PLBD2: variants seen among roughly 807,000 people sequenced by gnomAD.
The protein encoded by PLBD2 is putative aminopeptidase PLBD2.
A neutral mutation model predicts 68.3 loss-of-function variants in PLBD2; 51 were observed. That is an observed-to-expected ratio of 0.75 (90% confidence interval 0.60 to 0.94). PLBD2 has a LOEUF of 0.94. PLBD2 is among the 40% of genes least tolerant of loss of function. The probability of loss-of-function intolerance (pLI) is 0.00; values close to 1 mark genes in which losing one functional copy is unlikely to be tolerated. For missense variants in PLBD2, 729 were observed against 792.2 expected, an observed-to-expected ratio of 0.92 and a Z score of 0.96; for synonymous variants, 314 against 339.3, an observed-to-expected ratio of 0.93 and a Z score of 0.82.
chr12:113,382,868 T>TGTGTGTGTGTCTG (rs1491184280), intron 6 of PLBD2, among the ~76,000 whole-genome samples: 1 of 83,506 alleles, frequency 1.2e-5, no homozygotes, highest in African/African-American at 4.5e-5. Flanking sequence ...TGTGTGTGTG[T>TGTGTGTGTGTCTG]TTTTTTTTTT....
chr12:113,371,660 A>G (rs1377266584), intron 2 of PLBD2, among the ~76,000 whole-genome samples: 1 of 152,256 alleles, frequency 6.6e-6, no homozygotes, highest in African/African-American at 2.4e-5. Context: ...TCCCAGGCCC[A>G]TGTGCCAGGC....
At position 113,374,795 on chromosome 12, in the gene PLBD2, T is replaced by C. The variant is rs1276083176; in HGVS notation, c.647T>C (p.Leu216Pro). The change falls in exon 5 of 12, where the codon CTG becomes CCG. Residue 216 changes from leucine (L) to proline (P), a missense_variant and splice_region_variant. Transcript: ENST00000280800. ...TCTGATGCCCTGGCCCTCCTCAGCC[T>C]GCTGCAGCTCTCTGGGGACCTGGAA... Reference protein sequence around the residue: ...KFTIKPLGFLLLQLSGDLEDL... With the variant: ...KFTIKPLGFLPLQLSGDLEDL... The C allele has an allele frequency of 6.2e-6, 10 of 1,613,630 alleles. No homozygotes were observed. Among genetic ancestry groups the C allele is most frequent in the Non-Finnish European group, 8.5e-6 (10 of 1,180,030 alleles).
chr12:113,358,924 G>T, intron 1 of PLBD2, 34 bp downstream of exon 1: 1 of 1,481,426 alleles, frequency 6.8e-7, no homozygotes, highest in Admixed American at 2.7e-5. Context: ...CGGGGCCATC[G>T]GGGGAGGGGG....
rs773743018 is a variant in PLBD2, at chr12:113,384,087, C to T, written c.958-18C>T. 86 of 1,592,184 alleles carry T rather than the reference C, an allele frequency of 5.4e-5. No individual in the cohort carries two copies. The highest frequency in any genetic ancestry group is 7.4e-5 in the Non-Finnish European group (86 of 1,165,628). On this transcript the variant is annotated intron_variant, in intron 6 of 11. Transcript: ENST00000280800. The surrounding 1 kb of genome is among the most constrained non-coding windows in gnomAD (Gnocchi z 4.2). ...AGCATGCCTAGGCTGTGCAGCAGCC[C>T]CCTTGACCTTCCCACAGGTGACACT...
At position 113,374,461 on chromosome 12, in the gene PLBD2, C is replaced by T; in HGVS notation, c.544-13C>T. 4 of 1,564,176 alleles carry T rather than the reference C, an allele frequency of 2.6e-6. No individual in the cohort carries two copies. Among genetic ancestry groups the T allele is most frequent in the Non-Finnish European group, 3.5e-6 (4 of 1,149,378 alleles). ...AGGCCTCACCCTCCCTCTGCCCCCG[C>T]CCCCTCCCCTAGGTGCGGCTGACCC... On this transcript the variant is annotated splice_polypyrimidine_tract_variant and intron_variant, in intron 3 of 11. Coordinates refer to ENST00000280800, the MANE Select transcript of PLBD2 (RefSeq NM_173542.4).
Position 113,387,685 on chromosome 12 carries a change from C to T in PLBD2, c.1440-59C>T, listed in dbSNP as rs570037678. 4.9e-5 allele frequency: 77 copies of T among 1,556,318 alleles called. 1 individual carries two copies. The South Asian group carries it at 8.2e-4, about 17-fold the overall frequency. On this transcript the variant is annotated intron_variant, in intron 10 of 11. Coordinates refer to ENST00000280800, the MANE Select transcript of PLBD2 (RefSeq NM_173542.4). Reference sequence around the variant, plus strand: ...ACGGGGCTGCCTGTGAGGATTTTGGCCCCCGTCTTAGCCTCTCCTTCCTGG... The same window carrying T: ...ACGGGGCTGCCTGTGAGGATTTTGGTCCCCGTCTTAGCCTCTCCTTCCTGG...
chr12:113,377,997 C>G (rs1221504494), intron 5 of PLBD2, among the ~76,000 whole-genome samples: 1 of 152,204 alleles, frequency 6.6e-6, no homozygotes, highest in African/African-American at 2.4e-5. Context: ...TTCTCCTAGA[C>G]TTTAAAAAAT....
At chr12:113,377,814 T>C (rs1957448499) in intron 5 of PLBD2, among the ~76,000 whole-genome samples, 1 of 152,240 alleles carries the variant, frequency 6.6e-6, no homozygotes, top group Non-Finnish European at 1.5e-5. Context: ...AGATCTATCA[T>C]TCTCATTGCT....
intron 9 of PLBD2, 30 bp from the exon 10 acceptor site, chr12:113,386,907 G>T (rs751300725): frequency 1.2e-6 from 2 of 1,609,602 alleles, no homozygotes; most frequent in African/African-American, 1.3e-5. Flanking sequence ...GCCAGTGGGG[G>T]TCATGGGTGA....
Position 113,384,793 on chromosome 12 carries a change from G to C in PLBD2, c.1119-58G>C, listed in dbSNP as rs1957532847. 6.9e-7 allele frequency: 1 copy of C among 1,454,750 alleles called. No individual in the cohort carries two copies. Among genetic ancestry groups the C allele is most frequent in the Non-Finnish European group, 9.6e-7 (1 of 1,041,130 alleles). The allele number at this position is 1,454,750 out of a possible 1,614,324, so 90.1% of individuals were successfully genotyped here. A position where few individuals can be genotyped will look rare whatever the true frequency, so the allele number is the denominator to read the frequency against. On this transcript the variant is annotated intron_variant, in intron 7 of 11. Transcript: ENST00000280800. This position sits in a 1 kb window ranked among gnomAD's most constrained non-coding sequence, Gnocchi z 4.2. The stretch of plus-strand genomic sequence containing the variant: ...AGCTGAGTGGGACACTGCAGGGTGG[G>C]GAAAGCTGGGGAGGTGGCTCCAGGC...
At chr12:113,365,751 G>A (rs1957337185) in intron 1 of PLBD2, among the ~76,000 whole-genome samples, 1 of 152,108 alleles carries the variant, frequency 6.6e-6, no homozygotes, top group South Asian at 2.1e-4. Flanking sequence ...CTTTGCTTTG[G>A]AACATTCAGA....
In PLBD2 at chr12:113,387,890, G is replaced by A; in HGVS notation, c.1586G>A (p.Gly529Glu). Residue 529 changes from glycine (G) to glutamate (E), a missense_variant, in exon 11 of 12, where the codon GGG becomes GAG. Coordinates refer to ENST00000280800, the MANE Select transcript of PLBD2 (RefSeq NM_173542.4). ...PFQALRQRSH[G>E]GIDVKVTSMS... is the part of the protein sequence containing the mutation. ...CAGGCCCTGCGTCAGCGCTCCCATGGGGGTATCGATGTGAAGGTGCTGCCT... is the reference window on the plus strand; with the variant it reads ...CAGGCCCTGCGTCAGCGCTCCCATGAGGGTATCGATGTGAAGGTGCTGCCT... 6.2e-7 allele frequency: 1 copy of A among 1,614,196 alleles called. No individual in the cohort carries two copies. The highest frequency in any genetic ancestry group is 8.5e-7 in the Non-Finnish European group (1 of 1,180,020).
At chr12:113,362,820 T>C (rs1421998184) in intron 1 of PLBD2, among the ~76,000 whole-genome samples, 1 of 151,688 alleles carries the variant, frequency 6.6e-6, no homozygotes, top group Non-Finnish European at 1.5e-5. Context: ...GAGTCTGCTC[T>C]GTTACCCAGG....
At chr12:113,378,639 G>C (rs1292709408) in intron 5 of PLBD2, among the ~76,000 whole-genome samples, 1 of 150,060 alleles carries the variant, frequency 6.7e-6, no homozygotes, top group East Asian at 1.9e-4. Context: ...TGGGATTTCA[G>C]GTGTGAGCCT....
At chr12:113,362,564 G>A (rs1308257036) in intron 1 of PLBD2, among the ~76,000 whole-genome samples, 1 of 150,110 alleles carries the variant, frequency 6.7e-6, no homozygotes, top group Non-Finnish European at 1.5e-5. Context: ...CCCCTGGCAT[G>A]AAATTGCAAT....
rs1287312659 is a variant in PLBD2, at chr12:113,384,378, G to A, written c.1118+113G>A. 8 of 1,327,112 alleles carry A rather than the reference G, an allele frequency of 6.0e-6. No individual in the cohort carries two copies. Among genetic ancestry groups the A allele is most frequent in the African/African-American group, 1.5e-5 (1 of 68,104 alleles). The allele number at this position is 1,327,112 out of a possible 1,614,324, so 82.2% of individuals were successfully genotyped here. ...GTGGCATCCGGGCCACACACCCCAC[G>A]CCCTCCTTTGTTTCATACATGGGGA... On this transcript the variant is annotated intron_variant, in intron 7 of 11. Coordinates refer to ENST00000280800, the MANE Select transcript of PLBD2 (RefSeq NM_173542.4). This position sits in a 1 kb window ranked among gnomAD's most constrained non-coding sequence, Gnocchi z 4.2.
chr12:113,371,498 C>T (rs911145595), intron 2 of PLBD2, among the ~76,000 whole-genome samples: 1 of 152,228 alleles, frequency 6.6e-6, no homozygotes, highest in Non-Finnish European at 1.5e-5. Flanking sequence ...GGGTGGCCCT[C>T]TGGGACCTTA....
rs146581080 is a variant in PLBD2, at chr12:113,385,207, C to G, written c.1215-5C>G. 6.3e-3 allele frequency: 10,192 copies of G among 1,613,990 alleles called. 78 individuals are homozygous for G. The highest frequency in any genetic ancestry group is 0.035 in the Middle Eastern group (212 of 6,058). On this transcript the variant is annotated splice_region_variant and splice_polypyrimidine_tract_variant and intron_variant, in intron 8 of 11. Transcript: ENST00000280800. ...CCTCCACCCCATCTCTCTTCTCGGT[C>G]TCAGCGGCATGGTGGTGGTGGCTGA...
At position 113,384,035 on chromosome 12, in the gene PLBD2, A is replaced by T; in HGVS notation, c.958-70A>T. On this transcript the variant is annotated intron_variant, in intron 6 of 11. Coordinates refer to ENST00000280800, the MANE Select transcript of PLBD2 (RefSeq NM_173542.4). This position sits in a 1 kb window ranked among gnomAD's most constrained non-coding sequence, Gnocchi z 4.2. ...AAAAAAAAAAATTTTTGGAGCCATG[A>T]CTGATGAAGTACTGCCACTTGGTGG... is the stretch of plus-strand genomic sequence containing the variant. 5.0e-6 allele frequency: 6 copies of T among 1,208,180 alleles called. No homozygotes were observed. Among genetic ancestry groups the T allele is most frequent in the South Asian group, 2.1e-5 (1 of 46,544 alleles). 74.8% of individuals were successfully genotyped at this position (1,208,180 alleles called of 1,614,324 possible). A position where few individuals can be genotyped will look rare whatever the true frequency, so the allele number is the denominator to read the frequency against.
Sources: gnomAD v4.1 joint callset for allele counts (sites outside exome capture counted in the v4.1 genomes callset) on GRCh38, gnomAD v4.1.1 for gene constraint, Gnocchi (gnomAD v3.1) non-coding constraint, MANE v1.5 for transcripts, NCBI Gene and HGNC (gene_info 2026-07-23, HGNC 2026-07-21) for gene names.